ATP6V1H: variants seen among roughly 807,000 people sequenced by gnomAD.
ATP6V1H encodes the protein ATPase H+ transporting V1 subunit H, also known as V-type proton ATPase subunit H.
ATP6V1H carries 39 observed loss-of-function variants against 71.7 expected under a neutral mutation model. The observed-to-expected ratio is 0.54, with a 90% CI of 0.42 to 0.71. The LOEUF is 0.71. Among genes scored for constraint, ATP6V1H ranks in the 30% least tolerant of loss-of-function variants. The pLI, the probability that ATP6V1H is intolerant of heterozygous loss-of-function variation, is 0.00. For synonymous variants in ATP6V1H, 192 were observed against 199.3 expected (o/e 0.96, Z 0.31); for missense variants, 509 against 594.9 (o/e 0.86, Z 1.50).
In ATP6V1H at chr8:53,719,120, C is replaced by T. The variant is rs138494873; in HGVS notation, c.1392-3096G>A. ...GGGTATTAAAAACACCTAACCTATA[C>T]GAACTTTGGGGAAAATCCACTCCTT... On this transcript the variant is annotated intron_variant, in intron 13 of 13. Coordinates refer to ENST00000359530, the MANE Select transcript of ATP6V1H (RefSeq NM_015941.4). Among the ~76,000 whole-genome samples the T allele has an allele frequency of 5.0e-3, 762 of 152,264 alleles. 8 individuals are homozygous for T. Among genetic ancestry groups the T allele is most frequent in the African/African-American group, 0.018 (731 of 41,546 alleles).
At chr8:53,835,641 C>T (rs1262193346) in intron 2 of ATP6V1H, among the ~76,000 whole-genome samples, 1 of 152,140 alleles carries the variant, frequency 6.6e-6, no homozygotes, top group Admixed American at 6.5e-5. Flanking sequence ...CTGTTTTAAG[C>T]ACTGTAACTT....
chr8:53,839,604 A>C (rs937237001), intron 2 of ATP6V1H: 1 of 985,210 alleles, frequency 1.0e-6, no homozygotes, highest in Non-Finnish European at 1.2e-6. Flanking sequence ...CTACCTCTAG[A>C]CTTATCACCT....
chr8:53,734,443 G>A (rs747230891), intron 13 of ATP6V1H, among the ~76,000 whole-genome samples: 4 of 152,072 alleles, frequency 2.6e-5, no homozygotes, highest in Non-Finnish European at 5.9e-5. Context: ...ATTGCCCCAG[G>A]GTACTTCAGC....
At chr8:53,782,268 G>A (rs1260667671) in intron 9 of ATP6V1H, among the ~76,000 whole-genome samples, 1 of 152,014 alleles carries the variant, frequency 6.6e-6, no homozygotes, top group Non-Finnish European at 1.5e-5. Flanking sequence ...TCCCTTGTAA[G>A]TTAGATTCCT....
intron 4 of ATP6V1H, among the ~76,000 whole-genome samples, chr8:53,820,513 TTTAA>T (rs1427461555): frequency 2.0e-5 from 3 of 151,652 alleles, no homozygotes; most frequent in Non-Finnish European, 4.4e-5. Context: ...AAAAAATTTT[TTTAA>T]TTAGCAAGAT....
intron 12 of ATP6V1H, among the ~76,000 whole-genome samples, chr8:53,754,908 T>G (rs1378039936): frequency 6.6e-6 from 1 of 152,206 alleles, no homozygotes; most frequent in Non-Finnish European, 1.5e-5. Context: ...CAGAGGACAT[T>G]TGTCCGTACC....
intron 11 of ATP6V1H, among the ~76,000 whole-genome samples, chr8:53,760,699 C>G (rs369436851): frequency 1.3e-5 from 2 of 152,190 alleles, no homozygotes; most frequent in East Asian, 3.9e-4. Context: ...AACAACCCCA[C>G]TGACAGAACA....
chr8:53,810,297 G>C (rs1439843766), intron 7 of ATP6V1H, among the ~76,000 whole-genome samples: 1 of 152,134 alleles, frequency 6.6e-6, no homozygotes, highest in African/African-American at 2.4e-5. Flanking sequence ...CTTACTTCCA[G>C]TTCCTGAGCT....
At chr8:53,783,782 C>T (rs1481178706) in intron 9 of ATP6V1H, among the ~76,000 whole-genome samples, 2 of 152,124 alleles carry the variant, frequency 1.3e-5, no homozygotes, top group Non-Finnish European at 2.9e-5. Flanking sequence ...TTTATTTCTG[C>T]CTTCATTTTG....
In ATP6V1H at chr8:53,769,759, A is replaced by G. The variant is rs1003880197; in HGVS notation, c.1050-16T>C. On this transcript the variant is annotated splice_polypyrimidine_tract_variant and intron_variant, in intron 10 of 13. Coordinates refer to ENST00000359530, the MANE Select transcript of ATP6V1H (RefSeq NM_015941.4). ...ATCAAATGAACTATAAAAATGTTCA[A>G]AAGAATTCAAGGTTTATAAGAATCT... The G allele has an allele frequency of 6.9e-6, 11 of 1,587,790 alleles. No homozygotes were observed. Among genetic ancestry groups the G allele is most frequent in the Non-Finnish European group, 5.1e-6 (6 of 1,168,252 alleles).
At chr8:53,788,772 C>A (rs142342790) in intron 9 of ATP6V1H, among the ~76,000 whole-genome samples, 1 of 152,172 alleles carries the variant, frequency 6.6e-6, no homozygotes, top group Non-Finnish European at 1.5e-5. Flanking sequence ...CCTTCTACTG[C>A]GCCATTATGA....
intron 2 of ATP6V1H, among the ~76,000 whole-genome samples, chr8:53,838,259 G>A (rs1198160533): frequency 2.6e-5 from 4 of 152,128 alleles, no homozygotes; most frequent in South Asian, 4.2e-4. Flanking sequence ...CCAAGTAGCT[G>A]GGATTACAGG....
rs202160599 is a variant in ATP6V1H, at chr8:53,772,133, C to T, written c.905G>A (p.Arg302His). Residue 302 changes from arginine (R) to histidine (H), a missense_variant, in exon 10 of 14, where the codon CGC (arginine) becomes CAC (histidine). Transcript: ENST00000359530. ...AATCATAGCCAGGGCATATTCTTGG[C>T]GAGTTTCTCTTTCAGTTGATTTTTC... Reference protein sequence around the residue: ...FLEKSTERETRQEYALAMIQC... With the variant: ...FLEKSTERETHQEYALAMIQC... 59 of 1,612,946 alleles carry T rather than the reference C, an allele frequency of 3.7e-5. No individual in the cohort carries two copies. The East Asian group carries it at 1.0e-3, about 28-fold the overall frequency.
intron 8 of ATP6V1H, among the ~76,000 whole-genome samples, chr8:53,797,491 G>A (rs983289639): frequency 3.9e-5 from 6 of 152,198 alleles, no homozygotes; most frequent in East Asian, 3.9e-4. Context: ...GCTTTTCCTC[G>A]GAGTTCAGAG....
chr8:53,734,581 A>G (rs1324401997), intron 13 of ATP6V1H, among the ~76,000 whole-genome samples: 1 of 152,194 alleles, frequency 6.6e-6, no homozygotes, highest in Non-Finnish European at 1.5e-5. Flanking sequence ...ATACAAGGAA[A>G]AAGGCTTGTT....
At chr8:53,781,789 A>G (rs2130363977) in intron 9 of ATP6V1H, among the ~76,000 whole-genome samples, 1 of 152,170 alleles carries the variant, frequency 6.6e-6, no homozygotes, top group South Asian at 2.1e-4. Context: ...ACCATTTATT[A>G]AATAGGGAAT....
chr8:53,727,387 C>A (rs1312501614), intron 13 of ATP6V1H, among the ~76,000 whole-genome samples: 1 of 152,182 alleles, frequency 6.6e-6, no homozygotes, highest in East Asian at 1.9e-4. Flanking sequence ...CCAGTTCTCC[C>A]TAGAGTTAAG....
intron 8 of ATP6V1H, among the ~76,000 whole-genome samples, chr8:53,798,734 C>T (rs1437987283): frequency 6.6e-6 from 1 of 152,114 alleles, no homozygotes; most frequent in Non-Finnish European, 1.5e-5. Flanking sequence ...GCTATACTTT[C>T]AGCAAGTTAT....
intron 12 of ATP6V1H, among the ~76,000 whole-genome samples, chr8:53,753,737 T>G (rs1221517904): frequency 2.0e-5 from 3 of 152,250 alleles, no homozygotes; most frequent in Non-Finnish European, 4.4e-5. Flanking sequence ...TAGCTAAATT[T>G]ATATTTGCCT....
Sources: allele counts gnomAD v4.1 joint callset (sites outside exome capture counted in the v4.1 genomes callset), GRCh38; gene constraint gnomAD v4.1.1; transcripts MANE v1.5; gene names NCBI Gene and HGNC (gene_info 2026-07-23, HGNC 2026-07-21).